The following PPARGC1A variants were observed in gnomAD, a reference collection of about 807,000 sequenced individuals.
The protein encoded by PPARGC1A is peroxisome proliferator-activated receptor gamma coactivator 1-alpha.
Under a neutral mutation model 88.7 loss-of-function variants are expected in PPARGC1A, and 25 were observed. The ratio of observed to expected loss-of-function variants is 0.28; its 90% CI spans 0.21 to 0.39. The LOEUF (loss-of-function observed/expected upper bound fraction) is 0.39. Among genes scored for constraint, PPARGC1A ranks in the 10% least tolerant of loss-of-function variants. PPARGC1A has a pLI of 1.00. For missense variants in PPARGC1A, 880 were observed against 968.7 expected (o/e 0.91, Z 1.22); for synonymous variants, 363 against 355.6 (o/e 1.02, Z -0.24).
At chr4:24,088,822 A>G in the PPARGC1A span, among the ~76,000 whole-genome samples, 1 of 152,188 alleles carries the variant, frequency 6.6e-6, no homozygotes, top group Non-Finnish European at 1.5e-5. Flanking sequence ...ATGAGATAAA[A>G]TTTAATTCAG....
the PPARGC1A span, among the ~76,000 whole-genome samples, chr4:23,963,502 C>T: frequency 5.3e-5 from 8 of 152,166 alleles, no homozygotes; most frequent in East Asian, 9.7e-4. Flanking sequence ...GTATTTAATG[C>T]CTTTGTCTTC....
chr4:23,855,443 A>T (rs559837279), intron 2 of PPARGC1A, among the ~76,000 whole-genome samples: 1 of 152,334 alleles, frequency 6.6e-6, no homozygotes, highest in African/African-American at 2.4e-5. Context: ...CAAATATATG[A>T]GGATTACTTA....
chr4:24,206,400 A>T, the PPARGC1A span, among the ~76,000 whole-genome samples: 3 of 152,244 alleles, frequency 2.0e-5, no homozygotes, highest in Non-Finnish European at 4.4e-5. Flanking sequence ...AGCTGCTATA[A>T]ATTTGCAATA....
the PPARGC1A span, among the ~76,000 whole-genome samples, chr4:24,104,862 G>A: frequency 6.6e-6 from 1 of 152,184 alleles, no homozygotes; most frequent in African/African-American, 2.4e-5. Context: ...ACTTAAAAAT[G>A]TAGCCTCTTT....
At chr4:24,459,605 C>A in the PPARGC1A span, among the ~76,000 whole-genome samples, 1 of 152,112 alleles carries the variant, frequency 6.6e-6, no homozygotes, top group African/African-American at 2.4e-5. Context: ...GCCTGGGAAG[C>A]ATGGTGAAAC....
chr4:23,954,954 C>A, the PPARGC1A span, among the ~76,000 whole-genome samples: 1 of 151,954 alleles, frequency 6.6e-6, no homozygotes, highest in African/African-American at 2.4e-5. Flanking sequence ...CTAAGCATCG[C>A]TGGGTATCAG....
the PPARGC1A span, among the ~76,000 whole-genome samples, chr4:24,368,959 G>C: frequency 1.3e-4 from 20 of 152,072 alleles, no homozygotes; most frequent in African/African-American, 4.6e-4. Flanking sequence ...CAATGGAATG[G>C]AGACAAGTCA....
chr4:23,820,227 T>C (rs1289542648), intron 7 of PPARGC1A, among the ~76,000 whole-genome samples: 1 of 152,090 alleles, frequency 6.6e-6, no homozygotes, highest in African/African-American at 2.4e-5. Flanking sequence ...TCCCCTCTGA[T>C]GAAAATAATG....
the PPARGC1A span, among the ~76,000 whole-genome samples, chr4:24,016,710 T>C: frequency 1.3e-5 from 2 of 152,218 alleles, no homozygotes. Context: ...CTTTTGTTAC[T>C]GTTCAAATTG....
At chr4:24,461,765 A>C in the PPARGC1A span, among the ~76,000 whole-genome samples, 1 of 152,188 alleles carries the variant, frequency 6.6e-6, no homozygotes, top group South Asian at 2.1e-4. Flanking sequence ...TTCCTTGACT[A>C]ATTCCTTCTA....
chr4:24,093,441 T>A, the PPARGC1A span, among the ~76,000 whole-genome samples: 1 of 152,150 alleles, frequency 6.6e-6, no homozygotes, highest in African/African-American at 2.4e-5. Context: ...TTCCACCTCA[T>A]CTCTAGTAAA....
chr4:24,022,345 G>A, the PPARGC1A span, among the ~76,000 whole-genome samples: 8 of 151,652 alleles, frequency 5.3e-5, 1 homozygote, highest in South Asian at 1.0e-3. Context: ...TTCCCTCCCC[G>A]AGTGCCTCCC....
the PPARGC1A span, among the ~76,000 whole-genome samples, chr4:24,240,341 T>TCC: frequency 6.6e-6 from 1 of 152,124 alleles, no homozygotes; most frequent in Non-Finnish European, 1.5e-5. Context: ...CACACTACCC[T>TCC]CCTTTGTTGC....
intron 2 of PPARGC1A, chr4:23,881,390 T>C (rs1715905220): frequency 6.6e-6 from 1 of 152,220 alleles, no homozygotes; most frequent in Non-Finnish European, 1.5e-5. Flanking sequence ...ACATGTGCTA[T>C]TGCATGTTGC....
chr4:24,338,833 G>GC, the PPARGC1A span, among the ~76,000 whole-genome samples: 1 of 151,966 alleles, frequency 6.6e-6, no homozygotes, highest in South Asian at 2.1e-4. Context: ...CCACTGGGAT[G>GC]TTAGCCTCCC....
the PPARGC1A span, among the ~76,000 whole-genome samples, chr4:24,082,522 G>A: frequency 6.6e-6 from 1 of 152,304 alleles, no homozygotes; most frequent in Admixed American, 6.5e-5. Context: ...TGATTGAGTA[G>A]TGAATTAGAT....
the PPARGC1A span, among the ~76,000 whole-genome samples, chr4:24,346,322 T>C: frequency 6.6e-6 from 1 of 152,170 alleles, no homozygotes. Flanking sequence ...GTTTTTTCTT[T>C]CTCTATCTTG....
In PPARGC1A at chr4:23,795,924, A is replaced by T. The variant is rs770112654; in HGVS notation, c.2295T>A (p.Asp765Glu). Residue 765 changes from aspartate (D) to glutamate (E), a missense_variant and splice_region_variant, in exon 13 of 13, where the codon GAT becomes GAA. Coordinates refer to ENST00000264867, the MANE Select transcript of PPARGC1A (RefSeq NM_013261.5). ...QFFKSNYADL[D>E]SNSDDFDPAS... ...CAGGGTCAAAGTCATCTGAGTTTGA[A>T]TCTGAAAAAAAACACAAGCCAGTTT... The T allele has an allele frequency of 1.9e-6, 3 of 1,608,476 alleles. No individual in the cohort carries two copies. The highest frequency in any genetic ancestry group is 1.1e-5 in the South Asian group (1 of 90,758).
intron 5 of PPARGC1A, among the ~76,000 whole-genome samples, chr4:23,826,979 G>T (rs1724079617): frequency 6.6e-6 from 1 of 152,112 alleles, no homozygotes; most frequent in South Asian, 2.1e-4. Flanking sequence ...GAGTAGCCCG[G>T]TGAATTCATT....
Sources: gnomAD v4.1 joint callset for allele counts (sites outside exome capture counted in the v4.1 genomes callset) on GRCh38, gnomAD v4.1.1 for gene constraint, MANE v1.5 for transcripts, NCBI Gene and HGNC (gene_info 2026-07-23, HGNC 2026-07-21) for gene names.